The following SLC25A46 variants were observed in gnomAD, a reference collection of about 807,000 sequenced individuals.
The protein encoded by SLC25A46 is solute carrier family 25 member 46, also known as mitochondrial outer membrane protein SLC25A46.
Under a neutral mutation model 44.6 loss-of-function variants are expected in SLC25A46, and 39 were observed. That is an observed-to-expected ratio of 0.87 (90% CI 0.68 to 1.14). The LOEUF (loss-of-function observed/expected upper bound fraction) is 1.14, where lower values mean the gene tolerates loss of function less well. Among genes scored for constraint, SLC25A46 ranks in the 50% most tolerant of loss-of-function variants. The probability of loss-of-function intolerance (pLI) is 0.00; values close to 1 mark genes in which losing one functional copy is unlikely to be tolerated. For synonymous variants in SLC25A46, 202 were observed against 185.8 expected, an observed-to-expected ratio of 1.09 and a Z score of -0.71; for missense variants, 547 against 522.7, an observed-to-expected ratio of 1.05 and a Z score of -0.45.
Position 110,739,396 on chromosome 5 carries a change from A to G in SLC25A46, c.277A>G (p.Ser93Gly). ...CGGCGGCGGCAGTGTGCAGGGGCAG[A>G]GCAGTGGTGAGAAGCATGGGGACCG... Reference protein sequence around the residue: ...SGGGGSVQGQSSEQLNRFAGF... With the variant: ...SGGGGSVQGQGSEQLNRFAGF... The change falls in exon 1 of 8, where the codon AGC (serine) becomes GGC (glycine). Residue 93 changes from serine (S) to glycine (G), a missense_variant. Physicochemically the swap from Ser to Gly is moderately conservative, Grantham distance 56. Transcript: ENST00000355943. 1 of 1,543,040 alleles carries G rather than the reference A, an allele frequency of 6.5e-7. No homozygotes were observed. The highest frequency in any genetic ancestry group is 1.2e-5 in the South Asian group (1 of 84,446).
At chr5:110,741,130 AGAG>A (rs992869427) in intron 1 of SLC25A46, among the ~76,000 whole-genome samples, 4 of 152,196 alleles carry the variant, frequency 2.6e-5, no homozygotes, top group African/African-American at 9.6e-5. Flanking sequence ...TTGAAAGAGA[AGAG>A]GAGAGAAAGA....
rs990362751 is a variant in SLC25A46 at position 110,762,062 on chromosome 5, A to C, written c.*280A>C. 3.7e-6 allele frequency: 1 copy of C among 272,074 alleles called. No homozygotes were observed. The highest frequency in any genetic ancestry group is 4.9e-5 in the Admixed American group (1 of 20,460). 16.9% of individuals were successfully genotyped at this position (272,074 alleles called of 1,614,324 possible). ...GTAAACATGATCGTAGGCAGAAGCA[A>C]AATTTTATTATAAAATCTAAAACAA... On this transcript the variant is annotated 3_prime_UTR_variant, in exon 8 of 8. Coordinates refer to ENST00000355943, the MANE Select transcript of SLC25A46 (RefSeq NM_138773.4).
At chr5:110,749,352 T>C (rs1426014448) in intron 5 of SLC25A46, among the ~76,000 whole-genome samples, 2 of 151,102 alleles carry the variant, frequency 1.3e-5, no homozygotes, top group Non-Finnish European at 2.9e-5. Context: ...AATAGAAAAT[T>C]GAAGCACAGG....
rs991280195 is a variant in SLC25A46 at position 110,742,521 on chromosome 5, C to T, written c.326+432C>T. 5.9e-5 allele frequency among the ~76,000 whole-genome samples: 9 copies of T among 152,106 alleles called. 1 individual carries two copies. In the South Asian group the frequency reaches 1.7e-3, roughly 28 times the overall value. ...GCATTTAATGATGCCATGTAACTGA[C>T]GTGTCATTTCCCACATCAAACATAC... On this transcript the variant is annotated intron_variant, in intron 2 of 7. Coordinates refer to ENST00000355943, the MANE Select transcript of SLC25A46 (RefSeq NM_138773.4).
intron 5 of SLC25A46, among the ~76,000 whole-genome samples, chr5:110,753,129 A>G (rs1800010534): frequency 6.6e-6 from 1 of 152,072 alleles, no homozygotes; most frequent in Non-Finnish European, 1.5e-5. Flanking sequence ...TGACATGCAG[A>G]TTATTGGAGA....
chr5:110,743,632 C>A, intron 2 of SLC25A46, 98 bp from the exon 3 acceptor site: 2 of 580,564 alleles, frequency 3.4e-6, no homozygotes, highest in Non-Finnish European at 5.7e-6. Flanking sequence ...TAAAATAATG[C>A]ATGATTCTTC....
At chr5:110,758,868 A>G (rs1800177947) in intron 7 of SLC25A46, among the ~76,000 whole-genome samples, 2 of 152,152 alleles carry the variant, frequency 1.3e-5, no homozygotes, top group Admixed American at 6.5e-5. Context: ...ATTGTTTTCA[A>G]GTTGCAATAC....
chr5:110,763,178 A>C lies in SLC25A46; in HGVS notation c.*1396A>C, dbSNP rs994396413. The C allele has an allele frequency of 2.0e-5, 3 of 151,964 alleles. No individual in the cohort carries two copies. Among genetic ancestry groups the C allele is most frequent in the African/African-American group, 7.2e-5 (3 of 41,414 alleles). 9.4% of individuals were successfully genotyped at this position (151,964 alleles called of 1,614,324 possible). On this transcript the variant is annotated 3_prime_UTR_variant, in exon 8 of 8. Transcript: ENST00000355943. ...AAAGTTTCATGTCTTCACGTGAATAATCACAGTTGTATCATGAACCATTTA... is the reference window on the plus strand; with the variant it reads ...AAAGTTTCATGTCTTCACGTGAATACTCACAGTTGTATCATGAACCATTTA...
At chr5:110,746,015 C>G (rs1297151907) in intron 3 of SLC25A46, 2 of 266,442 alleles carry the variant, frequency 7.5e-6, no homozygotes, top group Admixed American at 5.5e-5. Flanking sequence ...CAAATAAGAC[C>G]CTCTTTATTA....
At chr5:110,756,428 G>A (rs1800115299) in intron 6 of SLC25A46, among the ~76,000 whole-genome samples, 1 of 152,012 alleles carries the variant, frequency 6.6e-6, no homozygotes, top group East Asian at 1.9e-4. Context: ...TTTATAGGCT[G>A]CATTAGCTAT....
At chr5:110,743,452 C>T (rs1012481957) in intron 2 of SLC25A46, among the ~76,000 whole-genome samples, 1 of 151,974 alleles carries the variant, frequency 6.6e-6, no homozygotes, top group African/African-American at 2.4e-5. Context: ...CTAGTTTCAT[C>T]TTATACTATA....
Position 110,763,306 on chromosome 5 carries a change from T to G in SLC25A46, c.*1524T>G, listed in dbSNP as rs1800306829. ...TAAATGTCACAGAAATGGTTACTTT[T>G]TGCAAATAGTAGTGTTGGAACAAAA... On this transcript the variant is annotated 3_prime_UTR_variant, in exon 8 of 8. Transcript: ENST00000355943. 6.6e-6 allele frequency: 1 copy of G among 151,854 alleles called. No individual in the cohort carries two copies. The highest frequency in any genetic ancestry group is 2.1e-4 in the South Asian group (1 of 4,826). The allele number at this position is 151,854 out of a possible 1,614,324, so 9.4% of individuals were successfully genotyped here.
At chr5:110,742,468 G>C (rs971663469) in intron 2 of SLC25A46, among the ~76,000 whole-genome samples, 4 of 151,892 alleles carry the variant, frequency 2.6e-5, no homozygotes, top group Non-Finnish European at 4.4e-5. Flanking sequence ...TTTTTTCATA[G>C]GACATTTTCT....
At chr5:110,739,727 G>A (rs1799583648) in intron 1 of SLC25A46, among the ~76,000 whole-genome samples, 1 of 152,136 alleles carries the variant, frequency 6.6e-6, no homozygotes, top group Non-Finnish European at 1.5e-5. Context: ...GATTCACTTT[G>A]GCAGCTCTAT....
chr5:110,750,778 G>A (rs1244987255), intron 5 of SLC25A46, among the ~76,000 whole-genome samples: 1 of 152,058 alleles, frequency 6.6e-6, no homozygotes, highest in Admixed American at 6.6e-5. Context: ...GGATATGGAG[G>A]GTTGACTATA....
At chr5:110,738,392 C>T (rs1799441755), upstream of SLC25A46, 1 of 517,040 alleles carries the variant, frequency 1.9e-6, no homozygotes, top group Non-Finnish European at 2.6e-6. Context: ...TCTTTACAGC[C>T]TTAGAAAAGG....
chr5:110,764,822 T>C lies in SLC25A46; in HGVS notation c.*3040T>C, dbSNP rs954500431. On this transcript the variant is annotated 3_prime_UTR_variant, in exon 8 of 8. Transcript: ENST00000355943. ...TATTTGCAAAATTTATATAAGCAAA[T>C]AAGATCTCTTGGTAACAATTGACAT... 2 of 151,984 alleles carry C rather than the reference T, an allele frequency of 1.3e-5. No homozygotes were observed. The highest frequency in any genetic ancestry group is 6.6e-5 in the Admixed American group (1 of 15,208). 9.4% of individuals were successfully genotyped at this position (151,984 alleles called of 1,614,324 possible).
chr5:110,742,706 T>C (rs1174814536), intron 2 of SLC25A46, among the ~76,000 whole-genome samples: 7 of 152,100 alleles, frequency 4.6e-5, no homozygotes, highest in African/African-American at 1.4e-4. Flanking sequence ...AAAAAGTAAT[T>C]GTGCATGGAG....
Position 110,739,313 on chromosome 5 carries a change from G to C in SLC25A46, c.194G>C (p.Gly65Ala), listed in dbSNP as rs1410055577. The change falls in exon 1 of 8, where the codon GGC (glycine) becomes GCC (alanine). Residue 65 changes from glycine (G) to alanine (A), a missense_variant. Gly to Ala is a moderately conservative substitution (Grantham distance 60). Coordinates refer to ENST00000355943, the MANE Select transcript of SLC25A46 (RefSeq NM_138773.4). ...LHWGEKSPPY[G>A]VPTTSTPYEG... The stretch of plus-strand genomic sequence containing the variant: ...TGGGGCGAGAAGAGCCCGCCCTACG[G>C]CGTGCCCACCACCTCCACCCCGTAC... The C allele has an allele frequency of 1.5e-5, 23 of 1,569,596 alleles. No individual in the cohort carries two copies. The highest frequency in any genetic ancestry group is 2.0e-5 in the Non-Finnish European group (23 of 1,157,798).
Sources: gnomAD v4.1 joint callset for allele counts (sites outside exome capture counted in the v4.1 genomes callset) on GRCh38, gnomAD v4.1.1 for gene constraint, MANE v1.5 for transcripts, NCBI Gene and HGNC (gene_info 2026-07-23, HGNC 2026-07-21) for gene names.